Variants in USP45 observed in about 807,000 individuals in gnomAD.
USP45 encodes ubiquitin specific peptidase 45.
Under a neutral mutation model 95.8 loss-of-function variants are expected in USP45, and 89 were observed. That is an observed-to-expected ratio of 0.93 (90% CI 0.78 to 1.11). The LOEUF (loss-of-function observed/expected upper bound fraction) is 1.11, where lower values mean the gene tolerates loss of function less well. Ranked by LOEUF, USP45 falls within the 50% of genes least tolerant of loss-of-function variation. USP45 has a pLI of 0.00. For missense variants in USP45, 898 were observed against 942.5 expected (o/e 0.95, Z 0.62); for synonymous variants, 281 against 316.2 (o/e 0.89, Z 1.18).
intron 1 of USP45, among the ~76,000 whole-genome samples, chr6:99,513,955 T>C (rs2128833763): frequency 6.6e-6 from 1 of 152,268 alleles, no homozygotes; most frequent in Admixed American, 6.5e-5. Context: ...GGACACAATG[T>C]ACATTATTCA....
chr6:99,469,486 ATTTTTTTTT>A lies in USP45; in HGVS notation c.934-877_934-869del, dbSNP rs60670572. Among the ~76,000 whole-genome samples the A allele has an allele frequency of 3.7e-3, 500 of 136,782 alleles. 7 individuals carry two copies. The highest frequency in any genetic ancestry group is 4.6e-3 in the Non-Finnish European group (296 of 64,434). The allele number at this position is 136,782 out of a possible 152,430, so 89.7% of individuals were successfully genotyped here. Reference sequence around the variant, plus strand: ...ATATATATATAATATATATATATATATTTTTTTTTTTTTTGAGAGTCTTGTTTTGTTGCC... The same window carrying A: ...ATATATATATAATATATATATATATATTTTTGAGAGTCTTGTTTTGTTGCC... On this transcript the variant is annotated intron_variant, in intron 9 of 17. Transcript: ENST00000500704.
chr6:99,492,516 TAG>T (rs1011862290), intron 5 of USP45, among the ~76,000 whole-genome samples: 5 of 151,794 alleles, frequency 3.3e-5, no homozygotes, highest in Non-Finnish European at 7.4e-5. Flanking sequence ...TTTTTTGAGA[TAG>T]AGTCTTGCTC....
chr6:99,487,365 T>C (rs758873888), intron 7 of USP45, among the ~76,000 whole-genome samples: 4 of 152,168 alleles, frequency 2.6e-5, no homozygotes, highest in Non-Finnish European at 4.4e-5. Context: ...ATCAGATTGT[T>C]ATTCTGTGGG....
At chr6:99,491,653 A>G (rs189580059) in intron 5 of USP45, among the ~76,000 whole-genome samples, 1 of 152,304 alleles carries the variant, frequency 6.6e-6, no homozygotes, top group East Asian at 1.9e-4. Flanking sequence ...AATTCTCTTC[A>G]GTGATTTATG....
intron 13 of USP45, among the ~76,000 whole-genome samples, chr6:99,450,219 C>T (rs144537658): frequency 1.3e-5 from 2 of 151,934 alleles, no homozygotes; most frequent in African/African-American, 4.8e-5. Context: ...AAAAAAAAAC[C>T]CTTCAAAAAA....
rs1780340819 is a variant in USP45 at position 99,435,743 on chromosome 6, G to A, written c.2418C>T (p.Tyr806=). 3 of 1,613,224 alleles carry A rather than the reference G, an allele frequency of 1.9e-6. No individual in the cohort carries two copies. The highest frequency in any genetic ancestry group is 2.5e-6 in the Non-Finnish European group (3 of 1,179,426). The change falls in exon 18 of 18, where the codon TAC becomes TAT. Residue 806 remains tyrosine (Y), a synonymous_variant. Coordinates refer to ENST00000500704, the MANE Select transcript of USP45 (RefSeq NM_001346022.3). ...ATAATACTCTTTCATAGAAAAGAAG[G>A]TAGGCTTGTGCACTAAGTGCTCTTG... ...PESRALSAQA[Y]LLFYERVL
At chr6:99,462,984 T>TA (rs1786890102) in intron 13 of USP45, among the ~76,000 whole-genome samples, 1 of 137,580 alleles carries the variant, frequency 7.3e-6, no homozygotes. Flanking sequence ...TCTGTCTCAA[T>TA]AATTAATTAA....
At chr6:99,489,421 A>G (rs1282012476) in intron 5 of USP45, among the ~76,000 whole-genome samples, 1 of 152,242 alleles carries the variant, frequency 6.6e-6, no homozygotes, top group Non-Finnish European at 1.5e-5. Context: ...AGACTTCCTT[A>G]TAAGAGAATG....
chr6:99,446,413 T>TTC lies in USP45; in HGVS notation c.1357_1358dup (p.Thr454LysfsTer13). ...TTTCATTTTTCTGGTATGTGACAGT[T>TTC]TCTCCAGATGACAATTTTCTAATAC... On this transcript the variant is annotated frameshift_variant, in exon 14 of 18. Transcript: ENST00000500704. LOFTEE classifies it high-confidence loss of function. 1 of 1,614,136 alleles carries TTC rather than the reference T, an allele frequency of 6.2e-7. No individual in the cohort carries two copies. Among genetic ancestry groups the TTC allele is most frequent in the South Asian group, 1.1e-5 (1 of 91,064 alleles).
At chr6:99,489,636 T>C (rs1794729272) in intron 5 of USP45, among the ~76,000 whole-genome samples, 1 of 152,184 alleles carries the variant, frequency 6.6e-6, no homozygotes, top group Non-Finnish European at 1.5e-5. Flanking sequence ...CAGATTTGTA[T>C]AATTAATGCA....
intron 13 of USP45, chr6:99,461,184 T>C: frequency 2.0e-6 from 2 of 985,256 alleles, no homozygotes; most frequent in South Asian, 9.4e-5. Context: ...GATTTCTTTC[T>C]GAACTAATGA....
chr6:99,494,229 A>G (rs1022873720), intron 5 of USP45, among the ~76,000 whole-genome samples: 4 of 152,230 alleles, frequency 2.6e-5, no homozygotes, highest in African/African-American at 9.6e-5. Context: ...TACTCTACTT[A>G]TCACTTCTAT....
intron 5 of USP45, among the ~76,000 whole-genome samples, chr6:99,489,342 AATAG>A (rs1794674758): frequency 6.6e-6 from 1 of 152,198 alleles, no homozygotes; most frequent in South Asian, 2.1e-4. Context: ...AGGGTAGTAT[AATAG>A]ATTATTATTC....
chr6:99,501,758 G>A, intron 5 of USP45: 2 of 341,052 alleles, frequency 5.9e-6, no homozygotes. Flanking sequence ...TTATTTATTT[G>A]TTAGGTAACA....
intron 13 of USP45, among the ~76,000 whole-genome samples, chr6:99,454,127 T>G (rs929440353): frequency 6.6e-6 from 1 of 152,040 alleles, no homozygotes; most frequent in African/African-American, 2.4e-5. Flanking sequence ...AACAGACACA[T>G]AGACCAGTGC....
At chr6:99,491,418 G>T (rs1795148102) in intron 5 of USP45, among the ~76,000 whole-genome samples, 1 of 152,158 alleles carries the variant, frequency 6.6e-6, no homozygotes, top group African/African-American at 2.4e-5. Context: ...CCTAGAATAG[G>T]ATGGGTTCAG....
chr6:99,479,296 A>T (rs1791721271), intron 8 of USP45, among the ~76,000 whole-genome samples: 1 of 152,006 alleles, frequency 6.6e-6, no homozygotes, highest in South Asian at 2.1e-4. Flanking sequence ...GAACACTCAA[A>T]ACTCCTAGGC....
Position 99,446,183 on chromosome 6 carries a change from G to C in USP45, c.1589C>G (p.Pro530Arg). The change falls in exon 14 of 18, where the codon CCA becomes CGA. Residue 530 changes from proline (P) to arginine (R), a missense_variant. Physicochemically the swap from Pro to Arg is moderately radical, Grantham distance 103. Transcript: ENST00000500704. ...FRSSSGSGVQ[P>R]DGPLYPLSAG... ...TGACAGAGGGTAAAGGGGTCCATCT[G>C]GCTGCACACCGGATCCACTACTGGA... is the stretch of plus-strand genomic sequence containing the variant. The C allele has an allele frequency of 6.2e-7, 1 of 1,614,122 alleles. No individual in the cohort carries two copies. The highest frequency in any genetic ancestry group is 8.5e-7 in the Non-Finnish European group (1 of 1,180,024).
rs375816584 is a variant in USP45, at chr6:99,476,183, A to T, written c.893T>A (p.Leu298His). The change falls in exon 9 of 18, where the codon CTT becomes CAT. Residue 298 changes from leucine (L) to histidine (H), a missense_variant. By Grantham distance (99) the Leu-to-His change is moderately conservative. Coordinates refer to ENST00000500704, the MANE Select transcript of USP45 (RefSeq NM_001346022.3). ...CCTCACTGCATCCAGAAGATAATGA[A>T]GAAGCTCCTGACTGTCCTGTTGCTG... Reference protein sequence around the residue: ...DFQQQDSQELLHYLLDAVRTE... With the variant: ...DFQQQDSQELHHYLLDAVRTE... The T allele has an allele frequency of 1.2e-6, 2 of 1,614,122 alleles. No individual in the cohort carries two copies. The highest frequency in any genetic ancestry group is 1.7e-6 in the Non-Finnish European group (2 of 1,179,976).
Sources: gnomAD v4.1 joint callset for allele counts (sites outside exome capture counted in the v4.1 genomes callset) on GRCh38, gnomAD v4.1.1 for gene constraint, MANE v1.5 for transcripts, NCBI Gene and HGNC (gene_info 2026-07-23, HGNC 2026-07-21) for gene names.